The following NLGN1 variants were observed in gnomAD, a reference collection of about 807,000 sequenced individuals.
The protein encoded by NLGN1 is neuroligin 1.
A neutral mutation model predicts 65.5 loss-of-function variants in NLGN1; 12 were observed. That is an observed-to-expected ratio of 0.18 (90% CI 0.12 to 0.30). The LOEUF (loss-of-function observed/expected upper bound fraction) is 0.30, where lower values mean the gene tolerates loss of function less well. Ranked by LOEUF, NLGN1 falls within the 10% of genes least tolerant of loss-of-function variation. The probability of loss-of-function intolerance (pLI) is 1.00; values close to 1 mark genes in which losing one functional copy is unlikely to be tolerated. For missense variants in NLGN1, 750 were observed against 1,007.1 expected, an observed-to-expected ratio of 0.74 and a Z score of 3.46; for synonymous variants, 350 against 359.5, an observed-to-expected ratio of 0.97 and a Z score of 0.30.
chr3:173,536,661 T>C (rs557946017), intron 2 of NLGN1, among the ~76,000 whole-genome samples: 3 of 152,350 alleles, frequency 2.0e-5, no homozygotes, highest in African/African-American at 7.2e-5. Flanking sequence ...ATTTACTCTG[T>C]ATAAAAATGT....
chr3:174,012,143 A>G (rs1381231694), intron 4 of NLGN1, among the ~76,000 whole-genome samples: 1 of 152,040 alleles, frequency 6.6e-6, no homozygotes, highest in Non-Finnish European at 1.5e-5. Context: ...GTGCTGCTAA[A>G]CTTGTGCAAC....
intron 3 of NLGN1, among the ~76,000 whole-genome samples, chr3:173,769,124 A>G (rs1036883336): frequency 2.0e-5 from 3 of 152,180 alleles, no homozygotes; most frequent in African/African-American, 4.8e-5. Context: ...GGGCCCAGAA[A>G]GTCCAAATTA....
At chr3:173,755,187 A>G (rs970386182) in intron 3 of NLGN1, among the ~76,000 whole-genome samples, 1 of 152,060 alleles carries the variant, frequency 6.6e-6, no homozygotes, top group Non-Finnish European at 1.5e-5. Context: ...ATTTTTTTAC[A>G]AAAATTAGAG....
chr3:173,742,221 A>G (rs561437988), intron 3 of NLGN1, among the ~76,000 whole-genome samples: 1 of 152,130 alleles, frequency 6.6e-6, no homozygotes, highest in Non-Finnish European at 1.5e-5. Context: ...TTTTGAAACT[A>G]AAACTCATGG....
intron 1 of NLGN1, among the ~76,000 whole-genome samples, chr3:173,413,992 A>ATATCATGAG (rs1378202331): frequency 6.6e-6 from 1 of 152,200 alleles, no homozygotes; most frequent in African/African-American, 2.4e-5. Context: ...ACTGTAGTGA[A>ATATCATGAG]TATCATGAGT....
At chr3:173,512,503 G>A (rs936418875) in intron 2 of NLGN1, among the ~76,000 whole-genome samples, 1 of 152,146 alleles carries the variant, frequency 6.6e-6, no homozygotes, top group Admixed American at 6.6e-5. Context: ...GCTTCTTCCC[G>A]ATGTCCAGCT....
intron 2 of NLGN1, among the ~76,000 whole-genome samples, chr3:173,490,719 T>A (rs1268974237): frequency 6.6e-6 from 1 of 152,272 alleles, no homozygotes; most frequent in East Asian, 1.9e-4. Context: ...ATTCTTCCTA[T>A]CCATGAGCAT....
intron 2 of NLGN1, among the ~76,000 whole-genome samples, chr3:173,532,452 A>T (rs374333992): frequency 6.6e-6 from 1 of 152,146 alleles, no homozygotes; most frequent in Non-Finnish European, 1.5e-5. Context: ...GAACATATCC[A>T]CTAGGATAAC....
intron 2 of NLGN1, among the ~76,000 whole-genome samples, chr3:173,485,574 T>C (rs992008023): frequency 2.6e-5 from 4 of 152,320 alleles, no homozygotes; most frequent in African/African-American, 9.6e-5. Context: ...TTTATGAACA[T>C]GGTTTCTCTC....
At chr3:174,267,566 A>C (rs1748523878) in intron 4 of NLGN1, among the ~76,000 whole-genome samples, 1 of 152,122 alleles carries the variant, frequency 6.6e-6, no homozygotes, top group African/African-American at 2.4e-5. Flanking sequence ...GGGATAGCCT[A>C]CTGGGCCACA....
At chr3:173,964,639 C>T (rs1420665011) in intron 4 of NLGN1, among the ~76,000 whole-genome samples, 2 of 152,126 alleles carry the variant, frequency 1.3e-5, no homozygotes, top group Non-Finnish European at 1.5e-5. Flanking sequence ...TAAACTTGCC[C>T]TACTCCTGAA....
chr3:173,649,575 A>G (rs1350776454), intron 3 of NLGN1, among the ~76,000 whole-genome samples: 1 of 152,104 alleles, frequency 6.6e-6, no homozygotes, highest in African/African-American at 2.4e-5. Flanking sequence ...TTTCACCTTC[A>G]CATTCCCTCC....
At chr3:173,757,465 A>T (rs140187931) in intron 3 of NLGN1, among the ~76,000 whole-genome samples, 2,476 of 152,164 alleles carry the variant, frequency 0.016, 31 homozygotes, top group Non-Finnish European at 0.024. Flanking sequence ...TAAACCATTT[A>T]CTATGGTTTA....
At chr3:173,412,826 A>G (rs1218693080) in intron 1 of NLGN1, among the ~76,000 whole-genome samples, 2 of 152,164 alleles carry the variant, frequency 1.3e-5, no homozygotes, top group African/African-American at 4.8e-5. Context: ...GATTCTATGA[A>G]ATTAGATGAT....
intron 2 of NLGN1, among the ~76,000 whole-genome samples, chr3:173,558,548 C>T (rs574930060): frequency 4.7e-4 from 71 of 152,134 alleles, no homozygotes; most frequent in Non-Finnish European, 8.1e-4. Context: ...TTTATTGACC[C>T]GTCTTCAAGT....
At chr3:173,633,189 A>T (rs867919217) in intron 3 of NLGN1, among the ~76,000 whole-genome samples, 1 of 152,058 alleles carries the variant, frequency 6.6e-6, no homozygotes, top group Non-Finnish European at 1.5e-5. Flanking sequence ...TTATGTTGAC[A>T]TTTTCACATC....
At chr3:173,794,508 C>T (rs1239038716) in intron 3 of NLGN1, among the ~76,000 whole-genome samples, 2 of 152,064 alleles carry the variant, frequency 1.3e-5, no homozygotes, top group Non-Finnish European at 2.9e-5. Flanking sequence ...CACCAGACTC[C>T]TGCTCTAGGT....
intron 3 of NLGN1, among the ~76,000 whole-genome samples, chr3:173,797,693 C>CAAAAAAAA (rs1312419518): frequency 6.7e-4 from 38 of 56,510 alleles, no homozygotes; most frequent in African/African-American, 1.8e-3. Context: ...ACAACAACAA[C>CAAAAAAAA]AACAACAAAA....
chr3:174,149,523 A>G (rs1329034874), intron 4 of NLGN1, among the ~76,000 whole-genome samples: 3 of 152,258 alleles, frequency 2.0e-5, no homozygotes, highest in East Asian at 3.9e-4. Context: ...GCTTTGTTCA[A>G]TAGTTGTTAG....
Sources: gnomAD v4.1 joint callset for allele counts (sites outside exome capture counted in the v4.1 genomes callset) on GRCh38, gnomAD v4.1.1 for gene constraint, MANE v1.5 for transcripts, NCBI Gene and HGNC (gene_info 2026-07-23, HGNC 2026-07-21) for gene names.